UBA7: variants seen among roughly 807,000 people sequenced by gnomAD.
UBA7 encodes ubiquitin like modifier activating enzyme 7, also known as ubiquitin-like modifier-activating enzyme 7.
Under a neutral mutation model 113.0 loss-of-function variants are expected in UBA7, and 88 were observed. The observed-to-expected ratio is 0.78, with a 90% CI of 0.66 to 0.93. UBA7 has a LOEUF of 0.93. Among genes scored for constraint, UBA7 ranks in the 40% least tolerant of loss-of-function variants. The pLI is 0.00. For missense variants in UBA7, 1,092 were observed against 1,266.4 expected (o/e 0.86, Z 2.09); for synonymous variants, 459 against 513.0 (o/e 0.89, Z 1.42).
In UBA7 at chr3:49,813,807, C is replaced by G. The variant is rs2081589402; in HGVS notation, c.-20G>C. 3 of 1,613,968 alleles carry G rather than the reference C, an allele frequency of 1.9e-6. No individual in the cohort carries two copies. Among genetic ancestry groups the G allele is most frequent in the South Asian group, 2.2e-5 (2 of 91,036 alleles). On this transcript the variant is annotated 5_prime_UTR_variant, in exon 1 of 24. Transcript: ENST00000333486. Reference sequence around the variant, plus strand: ...ATCCATCCTCAAACCTGGGGCTGAACAGTAGGCTGCAGCGCTCAGAGATAG... The same window carrying G: ...ATCCATCCTCAAACCTGGGGCTGAAGAGTAGGCTGCAGCGCTCAGAGATAG...
chr3:49,810,564 G>T lies in UBA7; in HGVS notation c.1420C>A (p.Arg474Ser). 1 of 1,614,108 alleles carries T rather than the reference G, an allele frequency of 6.2e-7. No homozygotes were observed. The highest frequency in any genetic ancestry group is 1.3e-5 in the African/African-American group (1 of 75,018). Residue 474 changes from arginine (R) to serine (S), a missense_variant, in exon 12 of 24, where the codon CGC becomes AGC. Arg to Ser is a moderately radical substitution (Grantham distance 110). Coordinates refer to ENST00000333486, the MANE Select transcript of UBA7 (RefSeq NM_003335.3). The surrounding 1 kb of genome is among the most constrained non-coding windows in gnomAD (Gnocchi z 5.6). ...LTVVDMDHIE[R>S]SNLSRQFLFR... ...AGGAACTGACGGCTGAGATTGGAGC[G>T]CTCTATGTGGTCCATGTCAACAACA...
chr3:49,809,124 G>A lies in UBA7; in HGVS notation c.2199C>T (p.Asn733=), dbSNP rs763819031. Residue 733 remains asparagine, a synonymous_variant, in exon 18 of 24, where the codon AAC becomes AAT. Transcript: ENST00000333486. ...THLLYVLAAA[N]LYAQMHGLPG... ...GCAGCCCATGCATCTGGGCATACAG[G>A]TTGGCAGCTGCCAGTACGTAGAGGA... is the stretch of plus-strand genomic sequence containing the variant. The A allele has an allele frequency of 1.9e-6, 3 of 1,613,164 alleles. No individual in the cohort carries two copies. Among genetic ancestry groups the A allele is most frequent in the Non-Finnish European group, 2.5e-6 (3 of 1,179,738 alleles).
chr3:49,813,202 C>A (rs778395967), intron 3 of UBA7, 34 bp from the exon 4 acceptor site: 2 of 1,613,508 alleles, frequency 1.2e-6, no homozygotes, highest in Non-Finnish European at 1.7e-6. Context: ...GGGCCAAAAC[C>A]ATTGCCCAGC....
chr3:49,811,285 C>A lies in UBA7; in HGVS notation c.1110G>T (p.Gln370His). Residue 370 changes from glutamine to histidine, a missense_variant, in exon 9 of 24, where the codon CAG (glutamine) becomes CAT (histidine). By Grantham distance (24) the Gln-to-His change is conservative. This residue lies in a region of UBA7 where 584 missense variants were observed against 714.5 expected (regional missense o/e 0.82). Coordinates refer to ENST00000333486, the MANE Select transcript of UBA7 (RefSeq NM_003335.3). ...MVAMLGAVAA[Q>H]EVLKAISRKF... is the part of the protein sequence containing the mutation. ...TGCCTCTGCCCACCTTCAGCACTTC[C>A]TGGGCAGCTACTGCACCCAGCATGG... 1.9e-6 allele frequency: 3 copies of A among 1,614,090 alleles called. No homozygotes were observed. Among genetic ancestry groups the A allele is most frequent in the Non-Finnish European group, 2.5e-6 (3 of 1,179,996 alleles).
In UBA7 at chr3:49,807,627, G is replaced by T; in HGVS notation, c.2715+109C>A. On this transcript the variant is annotated intron_variant, in intron 21 of 23. Transcript: ENST00000333486. This position sits in a 1 kb window ranked among gnomAD's most constrained non-coding sequence, Gnocchi z 4.0. ...GCTGGAGGGAGTCTTCAGGACTTCT[G>T]CACAGTCTGAGTTTCAGTGAGAGCC... The T allele has an allele frequency of 7.3e-7, 1 of 1,377,254 alleles. No individual in the cohort carries two copies. The allele number at this position is 1,377,254 out of a possible 1,614,324, so 85.3% of individuals were successfully genotyped here. A position where few individuals can be genotyped will look rare whatever the true frequency, so the allele number is the denominator to read the frequency against.
chr3:49,809,207 G>C lies in UBA7; in HGVS notation c.2164-48C>G, dbSNP rs1472504389. On this transcript the variant is annotated intron_variant, in intron 17 of 23. Transcript: ENST00000333486. The stretch of plus-strand genomic sequence containing the variant: ...AACAGAGGCATGGGTGCATGGGGTG[G>C]GGGTCACTGTCCATTTGTGGATCTG... The C allele has an allele frequency of 5.1e-6, 8 of 1,572,220 alleles. No individual in the cohort carries two copies. The Admixed American group carries it at 9.2e-5, about 18-fold the overall frequency.
At position 49,807,874 on chromosome 3, in the gene UBA7, A is replaced by G; in HGVS notation, c.2577T>C (p.Ala859=). ...IIPAIATTTA[A]VAGLLGLELY... Reference sequence around the variant, plus strand: ...GCTCCAGGCCCAACAGGCCTGCCACAGCTGCTGTAGTGGTGGCAATGGCTG... The same window carrying G: ...GCTCCAGGCCCAACAGGCCTGCCACGGCTGCTGTAGTGGTGGCAATGGCTG... The change falls in exon 21 of 24, where the codon GCT becomes GCC. Residue 859 remains alanine (A), a synonymous_variant. Coordinates refer to ENST00000333486, the MANE Select transcript of UBA7 (RefSeq NM_003335.3). The surrounding 1 kb of genome is among the most constrained non-coding windows in gnomAD (Gnocchi z 4.0). The G allele has an allele frequency of 2.5e-6, 4 of 1,613,632 alleles. No homozygotes were observed. The highest frequency in any genetic ancestry group is 3.4e-6 in the Non-Finnish European group (4 of 1,179,618).
At chr3:49,806,425 G>A in intron 21 of UBA7, 1 of 566,370 alleles carries the variant, frequency 1.8e-6, no homozygotes, top group Non-Finnish European at 3.2e-6. Flanking sequence ...TGAGAGTGGG[G>A]GATGAGGGGG....
At chr3:49,813,705 C>T (rs779838909) in intron 1 of UBA7, 27 bp downstream of exon 1, 2 of 1,614,230 alleles carry the variant, frequency 1.2e-6, no homozygotes, top group East Asian at 2.2e-5. Flanking sequence ...GACCATCCCA[C>T]TCTCCACCCC....
intron 23 of UBA7, 91 bp downstream of exon 23, chr3:49,805,806 G>A: frequency 7.8e-7 from 1 of 1,278,892 alleles, no homozygotes; most frequent in Non-Finnish European, 1.1e-6. Flanking sequence ...GAGGGGCCCA[G>A]AATGGGGCTG....
chr3:49,806,293 G>A, intron 21 of UBA7, 128 bp from the exon 22 acceptor site: 3 of 808,586 alleles, frequency 3.7e-6, no homozygotes, highest in South Asian at 3.5e-5. Flanking sequence ...TGGGGGGTGG[G>A]GGGGAGGTGG....
intron 21 of UBA7, among the ~76,000 whole-genome samples, chr3:49,806,778 T>A (rs1199249624): frequency 6.6e-6 from 1 of 151,988 alleles, no homozygotes; most frequent in Non-Finnish European, 1.5e-5. Context: ...TATCAGCCCC[T>A]GAGAAAACAC....
At position 49,809,617 on chromosome 3, in the gene UBA7, C is replaced by T. The variant is rs766026076; in HGVS notation, c.2013G>A (p.Ala671=). ...VRPQNWQDCV[A]WALGHWKLCF... ...AGAGTTTCCAGTGGCCAAGAGCCCACGCCACACAGTCTTGCCAGTTCTGTG... is the reference window on the plus strand; with the variant it reads ...AGAGTTTCCAGTGGCCAAGAGCCCATGCCACACAGTCTTGCCAGTTCTGTG... Residue 671 remains alanine, a synonymous_variant, in exon 16 of 24, where the codon GCG becomes GCA. Coordinates refer to ENST00000333486, the MANE Select transcript of UBA7 (RefSeq NM_003335.3). 4.3e-5 allele frequency: 70 copies of T among 1,613,996 alleles called. No homozygotes were observed. Among genetic ancestry groups the T allele is most frequent in the Admixed American group, 4.0e-4 (24 of 60,006 alleles).
intron 21 of UBA7, 26 bp from the exon 22 acceptor site, chr3:49,806,191 G>T: frequency 6.4e-7 from 1 of 1,557,700 alleles, no homozygotes; most frequent in African/African-American, 1.4e-5. Context: ...GGAGGAGTCA[G>T]AGACTTCTTA....
rs769374074 is a variant in UBA7 at position 49,810,885 on chromosome 3, A to G, written c.1231-53T>C. 6.3e-5 allele frequency: 102 copies of G among 1,611,976 alleles called. 1 individual carries two copies. Among genetic ancestry groups the G allele is most frequent in the Non-Finnish European group, 7.2e-5 (85 of 1,178,268 alleles). On this transcript the variant is annotated intron_variant, in intron 10 of 23. Coordinates refer to ENST00000333486, the MANE Select transcript of UBA7 (RefSeq NM_003335.3). This position sits in a 1 kb window ranked among gnomAD's most constrained non-coding sequence, Gnocchi z 5.6. ...GGCTACTGGCCTGCATCTCCTTCTTATACTGAGTTTTCTGAATCAGGACCT... is the reference window on the plus strand; with the variant it reads ...GGCTACTGGCCTGCATCTCCTTCTTGTACTGAGTTTTCTGAATCAGGACCT...
Position 49,808,115 on chromosome 3 carries a change from G to GT in UBA7, c.2431-4dup. ...ACATGGAAGTTGCTGTCATCATCCT[G>GT]TAAGGCCCAAGTCAAAGTAGTGTTA... is the stretch of plus-strand genomic sequence containing the variant. On this transcript the variant is annotated splice_region_variant and splice_polypyrimidine_tract_variant and intron_variant, in intron 19 of 23. Coordinates refer to ENST00000333486, the MANE Select transcript of UBA7 (RefSeq NM_003335.3). 2.5e-6 allele frequency: 4 copies of GT among 1,613,782 alleles called. No homozygotes were observed. Among genetic ancestry groups the GT allele is most frequent in the Non-Finnish European group, 2.5e-6 (3 of 1,179,880 alleles).
In UBA7 at chr3:49,810,967, CT is replaced by C; in HGVS notation, c.1230+16del. On this transcript the variant is annotated intron_variant, in intron 10 of 23. Coordinates refer to ENST00000333486, the MANE Select transcript of UBA7 (RefSeq NM_003335.3). This position sits in a 1 kb window ranked among gnomAD's most constrained non-coding sequence, Gnocchi z 5.6. ...CTGATTTTGGACAAGGCTTGCACCCCTATCCCAGGCTCTCACCAGGGCACAG... is the reference window on the plus strand; with the variant it reads ...CTGATTTTGGACAAGGCTTGCACCCCATCCCAGGCTCTCACCAGGGCACAG... 1 of 1,613,656 alleles carries C rather than the reference CT, an allele frequency of 6.2e-7. No homozygotes were observed. Among genetic ancestry groups the C allele is most frequent in the South Asian group, 1.1e-5 (1 of 91,050 alleles).
Position 49,809,649 on chromosome 3 carries a change from C to G in UBA7, c.1981G>C (p.Val661Leu). 2.5e-6 allele frequency: 4 copies of G among 1,614,130 alleles called. No homozygotes were observed. The South Asian group carries it at 4.4e-5, about 18-fold the overall frequency. The change falls in exon 16 of 24, where the codon GTG becomes CTG. Residue 661 changes from valine to leucine, a missense_variant. Val to Leu is a conservative substitution (Grantham distance 32). Coordinates refer to ENST00000333486, the MANE Select transcript of UBA7 (RefSeq NM_003335.3). ...LLKPVLGVLR[V>L]RPQNWQDCVA... Reference sequence around the variant, plus strand: ...CAGTCTTGCCAGTTCTGTGGACGCACTCTCAGGACCCCAAGCACTGGCTTC... The same window carrying G: ...CAGTCTTGCCAGTTCTGTGGACGCAGTCTCAGGACCCCAAGCACTGGCTTC...
chr3:49,812,498 A>G lies in UBA7; in HGVS notation c.604T>C (p.Tyr202His), dbSNP rs762416768. The G allele has an allele frequency of 1.9e-6, 3 of 1,614,188 alleles. No individual in the cohort carries two copies. The highest frequency in any genetic ancestry group is 1.7e-6 in the Non-Finnish European group (2 of 1,180,040). ...LTLRKGANTHYFRDGDLVTFS... is the reference protein window; with the variant it reads ...LTLRKGANTHHFRDGDLVTFS... ...GTCACCAAGTCTCCATCACGGAAGT[A>G]GTGGGTATTGGCCCCTTTCCTCAGA... Residue 202 changes from tyrosine to histidine, a missense_variant, in exon 6 of 24, where the codon TAC becomes CAC. By Grantham distance (83) the Tyr-to-His change is moderately conservative. This residue lies in a region of UBA7 where 584 missense variants were observed against 714.5 expected (regional missense o/e 0.82). Coordinates refer to ENST00000333486, the MANE Select transcript of UBA7 (RefSeq NM_003335.3).
Sources: allele counts gnomAD v4.1 joint callset (sites outside exome capture counted in the v4.1 genomes callset), GRCh38; gene constraint gnomAD v4.1.1; regional missense constraint gnomAD v4.1.1; non-coding constraint Gnocchi (gnomAD v3.1); transcripts MANE v1.5; gene names NCBI Gene and HGNC (gene_info 2026-07-23, HGNC 2026-07-21).